The following COL5A3 variants were observed in gnomAD, a reference collection of about 807,000 sequenced individuals.
COL5A3 encodes collagen type V alpha 3 chain.
In COL5A3, 172 loss-of-function variants were observed where a neutral mutation model predicts 250.0. The ratio of observed to expected loss-of-function variants is 0.69; its 90% CI spans 0.61 to 0.78. The LOEUF (loss-of-function observed/expected upper bound fraction) is 0.78. COL5A3 is among the 30% of genes least tolerant of loss of function. The pLI is 0.00. For missense variants in COL5A3, 2,340 were observed against 2,334.4 expected, an observed-to-expected ratio of 1.00 and a Z score of -0.05; for synonymous variants, 937 against 900.4, an observed-to-expected ratio of 1.04 and a Z score of -0.73.
At chr19:9,976,496 T>G in intron 45 of COL5A3, 62 bp downstream of exon 45, 8 of 1,292,930 alleles carry the variant, frequency 6.2e-6, no homozygotes, top group East Asian at 2.7e-5. Context: ...CCACTGTCGT[T>G]TGCTCCCACT....
rs1599219097 is a variant in COL5A3 at position 9,993,364 on chromosome 19, T to C, written c.1749+16A>G. The C allele has an allele frequency of 6.2e-7, 1 of 1,613,684 alleles. No individual in the cohort carries two copies. The highest frequency in any genetic ancestry group is 1.1e-5 in the South Asian group (1 of 91,054). On this transcript the variant is annotated intron_variant, in intron 19 of 66. Coordinates refer to ENST00000264828, the MANE Select transcript of COL5A3 (RefSeq NM_015719.4). ...CTTACTTTCCAAACCAGGCCCTAACTCTCTTCCAAACTTACCCTCTCACCA... is the reference window on the plus strand; with the variant it reads ...CTTACTTTCCAAACCAGGCCCTAACCCTCTTCCAAACTTACCCTCTCACCA...
rs776835385 is a variant in COL5A3, at chr19:9,960,460, G to T, written c.5189C>A (p.Thr1730Lys). The T allele has an allele frequency of 1.9e-6, 3 of 1,614,174 alleles. No individual in the cohort carries two copies. Among genetic ancestry groups the T allele is most frequent in the East Asian group, 2.2e-5 (1 of 44,884 alleles). The change falls in exon 67 of 67, where the codon ACG (threonine) becomes AAG (lysine). Residue 1730 changes from threonine to lysine, a missense_variant. By Grantham distance (78) the Thr-to-Lys change is moderately conservative. This residue lies in a region of COL5A3 where 1,179 missense variants were observed against 1,162.6 expected (regional missense o/e 1.01). Coordinates refer to ENST00000264828, the MANE Select transcript of COL5A3 (RefSeq NM_015719.4). The part of the protein sequence containing the change: ...WDVAATDFGQ[T>K]NQKFGFELGP... ...CAGTTCAAACCCAAACTTTTGGTTCGTCTGGCCAAAGTCAGTGGCCGCCAC... is the reference window on the plus strand; with the variant it reads ...CAGTTCAAACCCAAACTTTTGGTTCTTCTGGCCAAAGTCAGTGGCCGCCAC...
At chr19:9,984,171 C>T (rs1025027769) in intron 31 of COL5A3, among the ~76,000 whole-genome samples, 8 of 152,024 alleles carry the variant, frequency 5.3e-5, no homozygotes, top group South Asian at 4.1e-4. Context: ...TACAGGCACC[C>T]GCCACTGCAC....
At position 9,986,348 on chromosome 19, in the gene COL5A3, G is replaced by A. The variant is rs756535935; in HGVS notation, c.2319C>T (p.Gly773=). 102 of 1,590,412 alleles carry A rather than the reference G, an allele frequency of 6.4e-5. No individual in the cohort carries two copies. The highest frequency in any genetic ancestry group is 2.4e-4 in the African/African-American group (18 of 74,340). ...EGPKGQAGQA[G]EEGPPGSAGE... ...CAGCTGAGCCTGGGGGCCCCTCCTCGCCAGCCTGCCCCGCCTGCCCCTTCG... is the reference window on the plus strand; with the variant it reads ...CAGCTGAGCCTGGGGGCCCCTCCTCACCAGCCTGCCCCGCCTGCCCCTTCG... Residue 773 remains glycine (G), a synonymous_variant, in exon 30 of 67, where the codon GGC becomes GGT. Coordinates refer to ENST00000264828, the MANE Select transcript of COL5A3 (RefSeq NM_015719.4).
At chr19:9,994,604 A>ATATATATG (rs1368988585) in intron 16 of COL5A3, among the ~76,000 whole-genome samples, 3 of 113,742 alleles carry the variant, frequency 2.6e-5, no homozygotes, top group Non-Finnish European at 5.5e-5. Context: ...ATATATATAT[A>ATATATATG]TATGGTCACA....
chr19:9,985,443 A>G (rs1431503059), intron 31 of COL5A3, among the ~76,000 whole-genome samples: 1 of 149,194 alleles, frequency 6.7e-6, no homozygotes, highest in Non-Finnish European at 1.5e-5. Flanking sequence ...TATTTTTAGT[A>G]GAGATGGGGT....
intron 53 of COL5A3, 98 bp from the exon 54 acceptor site, chr19:9,970,773 C>T: frequency 1.8e-6 from 2 of 1,111,336 alleles, no homozygotes; most frequent in Non-Finnish European, 2.4e-6. Flanking sequence ...TTCCCCAAGC[C>T]TCACCCCAGC....
chr19:9,967,131 A>G (rs550479198), intron 62 of COL5A3, among the ~76,000 whole-genome samples: 5 of 152,274 alleles, frequency 3.3e-5, no homozygotes, highest in African/African-American at 1.2e-4. Context: ...GACCCAGGTC[A>G]GAGCCCCCAT....
intron 1 of COL5A3, among the ~76,000 whole-genome samples, chr19:10,008,782 T>G (rs1214483631): frequency 1.3e-5 from 2 of 152,146 alleles, no homozygotes; most frequent in Admixed American, 6.5e-5. Context: ...GCCGTGAGCT[T>G]GCAGGTGTGT....
At chr19:9,993,275 A>G in intron 19 of COL5A3, 105 bp downstream of exon 19, 1 of 1,323,386 alleles carries the variant, frequency 7.6e-7, no homozygotes, top group Non-Finnish European at 1.1e-6. Context: ...ATTTGTCCCT[A>G]GCTCTCAAGC....
rs868016973 is a variant in COL5A3 at position 9,971,027 on chromosome 19, C to T, written c.3830G>A (p.Gly1277Asp). 6.5e-7 allele frequency: 1 copy of T among 1,532,470 alleles called. No individual in the cohort carries two copies. The highest frequency in any genetic ancestry group is 8.7e-7 in the Non-Finnish European group (1 of 1,146,498). The allele number at this position is 1,532,470 out of a possible 1,614,324, so 94.9% of individuals were successfully genotyped here. A position where few individuals can be genotyped will look rare whatever the true frequency, so the allele number is the denominator to read the frequency against. ...LGPPGDPGVS[G>D]IDGSPGEKGD... ...CTTCTCCCCTGGGGAACCATCTATG[C>T]CCTGCATGGGGGGAAGACAGAGTTG... The change falls in exon 53 of 67, where the codon GGC becomes GAC. Residue 1277 changes from glycine to aspartate, a missense_variant and splice_region_variant. By Grantham distance (94) the Gly-to-Asp change is moderately conservative. Coordinates refer to ENST00000264828, the MANE Select transcript of COL5A3 (RefSeq NM_015719.4).
rs966950393 is a variant in COL5A3, at chr19:10,009,522, G to T, written c.88+776C>A. 9.2e-5 allele frequency among the ~76,000 whole-genome samples: 14 copies of T among 151,942 alleles called. No homozygotes were observed. Among genetic ancestry groups the T allele is most frequent in the African/African-American group, 2.9e-4 (12 of 41,332 alleles). On this transcript the variant is annotated intron_variant, in intron 1 of 66. Coordinates refer to ENST00000264828, the MANE Select transcript of COL5A3 (RefSeq NM_015719.4). The surrounding 1 kb of genome is among the most constrained non-coding windows in gnomAD (Gnocchi z 4.4). ...GGGGAGCAACTTCCACTCCTGCCCC[G>T]CCCTGCGCCCCGCCCCGTCTCGCCC...
chr19:9,989,781 A>G (rs2087159286), intron 24 of COL5A3, among the ~76,000 whole-genome samples: 1 of 152,176 alleles, frequency 6.6e-6, no homozygotes. Context: ...ATAGCACAAC[A>G]GGGTAACTAT....
chr19:9,963,553 G>GTT (rs34487347), intron 64 of COL5A3, among the ~76,000 whole-genome samples: 2,067 of 65,922 alleles, frequency 0.031, 71 homozygotes, highest in Middle Eastern at 0.058. Flanking sequence ...CACCATGCCT[G>GTT]TTTTTTTTGG....
At chr19:9,982,382 T>C (rs113839554) in intron 31 of COL5A3, among the ~76,000 whole-genome samples, 167 of 152,266 alleles carry the variant, frequency 1.1e-3, no homozygotes, top group Non-Finnish European at 1.7e-3. Flanking sequence ...AGTCAGCCAC[T>C]CCTGACCATT....
At position 9,997,930 on chromosome 19, in the gene COL5A3, C is replaced by T; in HGVS notation, c.1200+54G>A. On this transcript the variant is annotated intron_variant, in intron 10 of 66. Coordinates refer to ENST00000264828, the MANE Select transcript of COL5A3 (RefSeq NM_015719.4). ...CAACTCCTCACTCCAGGGGATTAAA[C>T]ACCCCTCAGCTGGAAGGGAAAGACT... 3 of 1,589,644 alleles carry T rather than the reference C, an allele frequency of 1.9e-6. No homozygotes were observed. The South Asian group carries it at 3.3e-5, about 18-fold the overall frequency.
intron 19 of COL5A3, 91 bp from the exon 20 acceptor site, chr19:9,993,158 C>A: frequency 7.3e-7 from 1 of 1,372,394 alleles, no homozygotes; most frequent in Non-Finnish European, 1.0e-6. Context: ...CAGGGGGTCT[C>A]GGAATTAGAC....
Position 9,977,261 on chromosome 19 carries a change from G to A in COL5A3, c.3256C>T (p.His1086Tyr). The change falls in exon 44 of 67, where the codon CAC becomes TAC. Residue 1086 changes from histidine to tyrosine, a missense_variant. Physicochemically the swap from His to Tyr is moderately conservative, Grantham distance 83. Coordinates refer to ENST00000264828, the MANE Select transcript of COL5A3 (RefSeq NM_015719.4). ...GDKGDVGAPG[H>Y]KGSKGDKGDA... Reference sequence around the variant, plus strand: ...CCTTTATCGCCTTTACTCCCCTTGTGTCCGGGGGCACCCACATCCCCCTGC... The same window carrying A: ...CCTTTATCGCCTTTACTCCCCTTGTATCCGGGGGCACCCACATCCCCCTGC... 1 of 1,613,954 alleles carries A rather than the reference G, an allele frequency of 6.2e-7. No individual in the cohort carries two copies. Among genetic ancestry groups the A allele is most frequent in the Non-Finnish European group, 8.5e-7 (1 of 1,179,978 alleles).
Position 9,996,215 on chromosome 19 carries a change from T to C in COL5A3, c.1470A>G (p.Pro490=). The C allele has an allele frequency of 6.3e-7, 1 of 1,575,012 alleles. No individual in the cohort carries two copies. Among genetic ancestry groups the C allele is most frequent in the Non-Finnish European group, 8.6e-7 (1 of 1,162,870 alleles). ...CAGTCGCCTTACTCACCACAGGGCC[T>C]GGGCGCCCAGTGAGCCCCACTGGAC... ...PPGPVGLTGR[P]GPVGLPGHPG... Residue 490 remains proline (P), a synonymous_variant, in exon 14 of 67, where the codon CCA becomes CCG. Coordinates refer to ENST00000264828, the MANE Select transcript of COL5A3 (RefSeq NM_015719.4).
Sources: allele counts gnomAD v4.1 joint callset (sites outside exome capture counted in the v4.1 genomes callset), GRCh38; gene constraint gnomAD v4.1.1; regional missense constraint gnomAD v4.1.1; non-coding constraint Gnocchi (gnomAD v3.1); transcripts MANE v1.5; gene names NCBI Gene and HGNC (gene_info 2026-07-23, HGNC 2026-07-21).